RNF212: variants seen among roughly 807,000 people sequenced by gnomAD.
RNF212 encodes the protein ring finger protein 212, also known as probable E3 SUMO-protein ligase RNF212.
A neutral mutation model predicts 34.7 loss-of-function variants in RNF212; 33 were observed. That is an observed-to-expected ratio of 0.95 (90% confidence interval 0.72 to 1.27). The LOEUF (loss-of-function observed/expected upper bound fraction) is 1.27, where lower values mean the gene tolerates loss of function less well. Among genes scored for constraint, RNF212 ranks in the 50% most tolerant of loss-of-function variants. RNF212 has a pLI of 0.00. For synonymous variants in RNF212, 140 were observed against 136.1 expected (o/e 1.03, Z -0.20); for missense variants, 377 against 362.2 (o/e 1.04, Z -0.33).
Position 1,096,791 on chromosome 4 carries a change from TAC to T in RNF212, c.218_219del (p.Cys73Ter). On this transcript the variant is annotated frameshift_variant, in exon 3 of 10. Coordinates refer to ENST00000433731, the MANE Select transcript of RNF212 (RefSeq NM_001131034.4). LOFTEE classifies it high-confidence loss of function. ...QAFFMSIDSL[C>X]KKYSRETSQI... ...TGGGAGGTTTCCCTGGAGTACTTCT[TAC>T]ACAGACTGTCTATGCTCATGAAGAA... is the stretch of plus-strand genomic sequence containing the variant. 4.3e-6 allele frequency: 7 copies of T among 1,613,954 alleles called. No homozygotes were observed. The highest frequency in any genetic ancestry group is 5.9e-6 in the Non-Finnish European group (7 of 1,179,760).
At chr4:1,081,740 C>A in intron 5 of RNF212, 121 bp from the exon 6 acceptor site, 1 of 713,434 alleles carries the variant, frequency 1.4e-6, no homozygotes, top group South Asian at 1.7e-5. Context: ...GGTTTGCAAA[C>A]GGCATTTCAC....
At chr4:1,092,439 C>T (rs1033953129) in intron 3 of RNF212, among the ~76,000 whole-genome samples, 7 of 152,182 alleles carry the variant, frequency 4.6e-5, no homozygotes, top group African/African-American at 1.4e-4. Context: ...GCAGGGTCTA[C>T]ACCAGCCTCC....
chr4:1,060,502 C>T (rs78622782), intron 3 of RNF212, among the ~76,000 whole-genome samples: 2,258 of 152,230 alleles, frequency 0.015, 60 homozygotes, highest in African/African-American at 0.052. Context: ...CCTCAGGGTG[C>T]CAAGGGGGCG....
chr4:1,073,340 TTTTG>T, intron 9 of RNF212, 147 bp from the exon 10 acceptor site: 3 of 1,172,734 alleles, frequency 2.6e-6, no homozygotes, highest in East Asian at 5.1e-5. Context: ...GTGACACTAT[TTTTG>T]TTTAAAACCA....
At chr4:1,098,819 C>A (rs1200118058) in intron 2 of RNF212, among the ~76,000 whole-genome samples, 2 of 152,142 alleles carry the variant, frequency 1.3e-5, no homozygotes, top group African/African-American at 4.8e-5. Context: ...AGAGCGTGGC[C>A]CATGTGAGTG....
chr4:1,061,226 T>A (rs770626648), intron 3 of RNF212, among the ~76,000 whole-genome samples: 7 of 152,084 alleles, frequency 4.6e-5, no homozygotes, highest in Non-Finnish European at 1.0e-4. Context: ...CACCTCCCCC[T>A]ACCCCACTCT....
intron 5 of RNF212, among the ~76,000 whole-genome samples, chr4:1,084,153 G>A (rs180716834): frequency 6.6e-6 from 1 of 152,220 alleles, no homozygotes; most frequent in Non-Finnish European, 1.5e-5. Flanking sequence ...GTTTCTCCAT[G>A]CTGGTCAGGT....
intron 2 of RNF212, chr4:1,100,567 C>T (rs1483192936): frequency 6.6e-6 from 1 of 152,294 alleles, no homozygotes; most frequent in East Asian, 1.9e-4. Context: ...GCTACTGAGC[C>T]TGGCTAATTT....
intron 7 of RNF212, among the ~76,000 whole-genome samples, chr4:1,080,118 C>A (rs916838719): frequency 2.6e-5 from 4 of 152,238 alleles, no homozygotes; most frequent in African/African-American, 7.2e-5. Flanking sequence ...ACACCGTGCA[C>A]GCTCGGTACG....
chr4:1,079,493 C>A, intron 8 of RNF212, 150 bp downstream of exon 8: 1 of 688,496 alleles, frequency 1.5e-6, no homozygotes, highest in Non-Finnish European at 2.7e-6. Flanking sequence ...CAGCCCACCC[C>A]TCTCACCCAC....
chr4:1,068,273 C>A (rs554485223), downstream of RNF212, among the ~76,000 whole-genome samples: 148 of 152,312 alleles, frequency 9.7e-4, 1 homozygote, highest in African/African-American at 3.5e-3. Flanking sequence ...ATATACTCAT[C>A]GACAGGGTCC....
downstream of RNF212, among the ~76,000 whole-genome samples, chr4:1,071,288 A>G (rs181630663): frequency 2.0e-3 from 297 of 152,226 alleles, 1 homozygote; most frequent in African/African-American, 6.8e-3. Context: ...TTTTTAAAAT[A>G]CTATTCTTAC....
At chr4:1,105,093 C>T (rs898409732) in intron 2 of RNF212, among the ~76,000 whole-genome samples, 12 of 152,174 alleles carry the variant, frequency 7.9e-5, no homozygotes, top group Admixed American at 2.6e-4. Flanking sequence ...GGGCCTTCAC[C>T]CTCAAGACTT....
intron 5 of RNF212, among the ~76,000 whole-genome samples, chr4:1,083,564 G>T (rs1168102135): frequency 6.6e-6 from 1 of 152,146 alleles, no homozygotes; most frequent in Non-Finnish European, 1.5e-5. Flanking sequence ...CTTGAACCCG[G>T]CAGGCGGAGG....
chr4:1,069,064 A>C (rs1235576290), downstream of RNF212, among the ~76,000 whole-genome samples: 4 of 152,136 alleles, frequency 2.6e-5, no homozygotes, highest in African/African-American at 9.7e-5. Flanking sequence ...AAAAACAATT[A>C]GCTGGGTGTG....
chr4:1,093,040 G>A (rs1442477274), intron 3 of RNF212, among the ~76,000 whole-genome samples: 2 of 37,692 alleles, frequency 5.3e-5, no homozygotes, highest in African/African-American at 1.0e-4. Context: ...GCAGAGGCTG[G>A]GTGGATGGAA....
chr4:1,100,320 A>G (rs1443147492), intron 2 of RNF212: 2 of 217,682 alleles, frequency 9.2e-6, no homozygotes, highest in Non-Finnish European at 1.8e-5. Flanking sequence ...TGTCAGACAC[A>G]TGGTCCTTTT....
chr4:1,106,177 G>C (rs948128553), intron 2 of RNF212, among the ~76,000 whole-genome samples: 4 of 152,014 alleles, frequency 2.6e-5, no homozygotes, highest in Non-Finnish European at 5.9e-5. Flanking sequence ...GCGGAAGAAA[G>C]AGCCCACACG....
chr4:1,093,937 C>G (rs557390624), intron 3 of RNF212: 1 of 1,536,098 alleles, frequency 6.5e-7, no homozygotes, highest in East Asian at 2.4e-5. Flanking sequence ...TTCCATGGGT[C>G]GAGCCTCTGG....
Sources: gnomAD v4.1 joint callset for allele counts (sites outside exome capture counted in the v4.1 genomes callset) on GRCh38, gnomAD v4.1.1 for gene constraint, MANE v1.5 for transcripts, NCBI Gene and HGNC (gene_info 2026-07-23, HGNC 2026-07-21) for gene names.